PCDHGA1: variants seen among roughly 807,000 people sequenced by gnomAD.
PCDHGA1 encodes protocadherin gamma-A1.
In PCDHGA1, 32 loss-of-function variants were observed where a neutral mutation model predicts 58.0. The observed-to-expected ratio is 0.55, with a 90% CI of 0.42 to 0.74. The LOEUF is 0.74. PCDHGA1 is among the 30% of genes least tolerant of loss of function. The pLI is 0.00. For missense variants in PCDHGA1, 1,205 were observed against 1,182.3 expected, an observed-to-expected ratio of 1.02 and a Z score of -0.28; for synonymous variants, 498 against 501.1, an observed-to-expected ratio of 0.99 and a Z score of 0.08.
chr5:141,388,778 A>G, intron 1 of PCDHGA1: 1 of 1,613,944 alleles, frequency 6.2e-7, no homozygotes, highest in Non-Finnish European at 8.5e-7. Flanking sequence ...ACACCGGGGA[A>G]ATTACTGTTT....
chr5:141,488,939 T>C (rs1229571704), intron 1 of PCDHGA1, among the ~76,000 whole-genome samples: 1 of 152,114 alleles, frequency 6.6e-6, no homozygotes, highest in Non-Finnish European at 1.5e-5. Context: ...GGAAACTCCA[T>C]AATTGGTTGA....
intron 1 of PCDHGA1, chr5:141,415,938 C>T (rs1351429284): frequency 3.4e-6 from 2 of 588,200 alleles, no homozygotes; most frequent in East Asian, 4.2e-5. Context: ...ATATTTCCTC[C>T]TGGGTGGTCA....
intron 1 of PCDHGA1, chr5:141,364,424 C>G: frequency 1.9e-6 from 3 of 1,613,572 alleles, no homozygotes; most frequent in Non-Finnish European, 1.7e-6. Flanking sequence ...CGGGCAGATC[C>G]GCTACTCGAT....
rs368884524 is a variant in PCDHGA1 at position 141,409,933 on chromosome 5, G to A, written c.2421+76828G>A. On this transcript the variant is annotated intron_variant, in intron 1 of 3. Coordinates refer to ENST00000517417, the MANE Select transcript of PCDHGA1 (RefSeq NM_018912.3). ...CTGACGGCTCCGCGTTCTTCGATAT[G>A]GTACCTCGCTCTGCAGAGCCCGGCT... 50 of 1,613,236 alleles carry A rather than the reference G, an allele frequency of 3.1e-5. No homozygotes were observed. The highest frequency in any genetic ancestry group is 4.1e-5 in the Non-Finnish European group (48 of 1,179,790).
At chr5:141,388,668 C>T in intron 1 of PCDHGA1, 1 of 1,613,882 alleles carries the variant, frequency 6.2e-7, no homozygotes, top group Non-Finnish European at 8.5e-7. Context: ...GACCACGGTG[C>T]TACAGGTGAC....
In PCDHGA1 at chr5:141,346,235, T is replaced by C. The variant is rs747921761; in HGVS notation, c.2421+13130T>C. The C allele has an allele frequency of 3.3e-5, 53 of 1,614,070 alleles. No homozygotes were observed. In the African/African-American group the frequency reaches 6.5e-4, roughly 20 times the overall value. ...AGGCTTCGGGAGGCGGCTTGGCGAG[T>C]ACGCCCGGCTCGCACTTTGTGGGCG... is the stretch of plus-strand genomic sequence containing the variant. On this transcript the variant is annotated intron_variant, in intron 1 of 3. Coordinates refer to ENST00000517417, the MANE Select transcript of PCDHGA1 (RefSeq NM_018912.3).
intron 1 of PCDHGA1, chr5:141,385,487 A>T (rs1781222873): frequency 5.6e-6 from 8 of 1,416,434 alleles, no homozygotes; most frequent in Non-Finnish European, 6.4e-6. Context: ...TATAGAACAC[A>T]TAGGATATAG....
At chr5:141,372,101 C>G (rs984585015) in intron 1 of PCDHGA1, 15 of 1,613,794 alleles carry the variant, frequency 9.3e-6, no homozygotes, top group Non-Finnish European at 1.3e-5. Flanking sequence ...CTCTGGGGCC[C>G]GAAGGCTCTG....
intron 1 of PCDHGA1, chr5:141,361,206 G>A (rs781055264): frequency 6.2e-7 from 1 of 1,613,902 alleles, no homozygotes; most frequent in Non-Finnish European, 8.5e-7. Context: ...CTCCCCTACC[G>A]GAGGATTCGC....
rs201022238 is a variant in PCDHGA1 at position 141,415,678 on chromosome 5, G to A, written c.2422-79129G>A. 470 of 1,555,406 alleles carry A rather than the reference G, an allele frequency of 3.0e-4. 2 individuals carry two copies. In the African/African-American group the frequency reaches 5.9e-3, roughly 20 times the overall value. ...GATTGGTTTTTACTTTGAAGTTTGC[G>A]GCATGATGGTGGAAAGTGTAAATGC... On this transcript the variant is annotated intron_variant, in intron 1 of 3. Coordinates refer to ENST00000517417, the MANE Select transcript of PCDHGA1 (RefSeq NM_018912.3).
At chr5:141,460,848 C>A (rs528601988) in intron 1 of PCDHGA1, among the ~76,000 whole-genome samples, 1 of 150,236 alleles carries the variant, frequency 6.7e-6, no homozygotes, top group African/African-American at 2.4e-5. Context: ...GCCTCCAGTT[C>A]GATCCAAGTT....
intron 1 of PCDHGA1, 79 bp from the exon 2 acceptor site, chr5:141,494,728 C>T (rs2099756337): frequency 1.2e-6 from 2 of 1,609,984 alleles, no homozygotes; most frequent in Admixed American, 3.3e-5. Context: ...TCCTTCTCTC[C>T]CGGCCCATCC....
At chr5:141,453,319 G>T (rs2098762311) in intron 1 of PCDHGA1, among the ~76,000 whole-genome samples, 1 of 151,492 alleles carries the variant, frequency 6.6e-6, no homozygotes, top group Admixed American at 6.6e-5. Flanking sequence ...TTATTTTAGA[G>T]ATGGGGTCTC....
Position 141,490,710 on chromosome 5 carries a change from C to G in PCDHGA1, c.2422-4097C>G, listed in dbSNP as rs1158575765. On this transcript the variant is annotated intron_variant, in intron 1 of 3. Coordinates refer to ENST00000517417, the MANE Select transcript of PCDHGA1 (RefSeq NM_018912.3). The surrounding 1 kb of genome is among the most constrained non-coding windows in gnomAD (Gnocchi z 5.4). ...ACACTGGGGATAATGCCCGCCTCAC[C>G]TACTCCATTGTAGGAAATCAGGTTC... 6.2e-7 allele frequency: 1 copy of G among 1,614,208 alleles called. No homozygotes were observed. The highest frequency in any genetic ancestry group is 8.5e-7 in the Non-Finnish European group (1 of 1,180,030).
chr5:141,389,777 C>G (rs771585855), intron 1 of PCDHGA1: 68 of 1,613,174 alleles, frequency 4.2e-5, no homozygotes, highest in Non-Finnish European at 5.7e-5. Context: ...GTGCCTTAGG[C>G]GACAGGGACG....
chr5:141,408,404 G>C lies in PCDHGA1; in HGVS notation c.2421+75299G>C, dbSNP rs372659902. ...GGATGTGTCGGCTCGCAAGCTGCGAGTGAGCGCGGAGAAGCTGCACTTCAG... is the reference window on the plus strand; with the variant it reads ...GGATGTGTCGGCTCGCAAGCTGCGACTGAGCGCGGAGAAGCTGCACTTCAG... On this transcript the variant is annotated intron_variant, in intron 1 of 3. Transcript: ENST00000517417. 6.2e-4 allele frequency: 1,002 copies of C among 1,614,072 alleles called. 1 individual carries two copies. The highest frequency in any genetic ancestry group is 8.3e-4 in the Non-Finnish European group (980 of 1,179,896).
At chr5:141,421,633 G>A (rs1369645749) in intron 1 of PCDHGA1, 3 of 1,613,834 alleles carry the variant, frequency 1.9e-6, no homozygotes, top group Non-Finnish European at 2.5e-6. Context: ...CAGCTTCCAG[G>A]AGGACGAAGT....
At chr5:141,501,326 CACACA>C (rs2099807944) in intron 2 of PCDHGA1, among the ~76,000 whole-genome samples, 1 of 151,784 alleles carries the variant, frequency 6.6e-6, no homozygotes, top group Non-Finnish European at 1.5e-5. Flanking sequence ...CACACACACA[CACACA>C]CACCCCAAAC....
rs2233613 is a variant in PCDHGA1 at position 141,511,203 on chromosome 5, G to A, written c.*30G>A. 0.14 allele frequency: 222,603 copies of A among 1,611,360 alleles called. 15,640 individuals carry two copies. The highest frequency in any genetic ancestry group is 0.18 in the Admixed American group (10,873 of 59,374). ...GAGGCCAGGCCAAGAGCCACAGGGC[G>A]GCCTCTCCCCAACCAGCCCAGCTTC... On this transcript the variant is annotated 3_prime_UTR_variant, in exon 4 of 4. Transcript: ENST00000517417.
Sources: allele counts gnomAD v4.1 joint callset (sites outside exome capture counted in the v4.1 genomes callset), GRCh38; gene constraint gnomAD v4.1.1; non-coding constraint Gnocchi (gnomAD v3.1); transcripts MANE v1.5; gene names NCBI Gene and HGNC (gene_info 2026-07-23, HGNC 2026-07-21).